Variants in PCDH15 observed in about 807,000 individuals in gnomAD.
The protein encoded by PCDH15 is protocadherin-15.
PCDH15 carries 129 observed loss-of-function variants against 178.5 expected under a neutral mutation model. The observed-to-expected ratio is 0.72, with a 90% CI of 0.63 to 0.84. PCDH15 has a LOEUF of 0.84. PCDH15 is among the 40% of genes least tolerant of loss of function. The probability of loss-of-function intolerance (pLI) is 0.00; values close to 1 mark genes in which losing one functional copy is unlikely to be tolerated. For missense variants in PCDH15, 2,230 were observed against 2,099.9 expected (o/e 1.06, Z -1.21); for synonymous variants, 800 against 732.0 (o/e 1.09, Z -1.50).
chr10:54,186,069 T>C (rs1050697716), intron 11 of PCDH15, among the ~76,000 whole-genome samples: 1 of 151,752 alleles, frequency 6.6e-6, no homozygotes, highest in African/African-American at 2.4e-5. Context: ...AGAACAGCAA[T>C]ATAAAGTAAG....
intron 3 of PCDH15, among the ~76,000 whole-genome samples, chr10:54,837,904 C>G (rs1194341850): frequency 6.6e-6 from 1 of 152,084 alleles, no homozygotes; most frequent in Non-Finnish European, 1.5e-5. Context: ...TTGTGGAGGG[C>G]CAATGAATGA....
At chr10:54,921,564 A>G (rs1190446619) in intron 2 of PCDH15, among the ~76,000 whole-genome samples, 3 of 152,146 alleles carry the variant, frequency 2.0e-5, no homozygotes, top group African/African-American at 7.2e-5. Flanking sequence ...GTTCCCACTT[A>G]TAAGTGAGAA....
intron 26 of PCDH15, among the ~76,000 whole-genome samples, chr10:53,870,543 T>C (rs2079765381): frequency 6.6e-6 from 1 of 152,162 alleles, no homozygotes; most frequent in Non-Finnish European, 1.5e-5. Context: ...GCCAGGATCA[T>C]TAGCATATTT....
rs1351065500 is a variant in PCDH15, at chr10:55,067,669, G to A, written c.-80+98907C>T. 5.6e-5 allele frequency among the ~76,000 whole-genome samples: 8 copies of A among 142,520 alleles called. No individual in the cohort carries two copies. The East Asian group carries it at 1.6e-3, about 29-fold the overall frequency. The allele number at this position is 142,520 out of a possible 152,430, so 93.5% of individuals were successfully genotyped here. On this transcript the variant is annotated intron_variant, in intron 2 of 5. Coordinates refer to the PCDH15 transcript ENST00000458638. ...TTTTTTTTTGAGAAACTTCCATGCT[G>A]CTTTCTATGGTGGTTGTACTAATTT...
chr10:55,342,905 T>G lies in PCDH15; in HGVS notation c.-155-176254A>C, dbSNP rs77017085. On this transcript the variant is annotated intron_variant, in intron 2 of 5. Transcript: ENST00000613346. ...GAAGGACCTGAGAGTGTAAGGGCTG[T>G]GAGCTGTTTCTAGGAAGCCTGAGTC... Among the ~76,000 whole-genome samples the G allele has an allele frequency of 3.9e-3, 588 of 152,248 alleles. 4 individuals carry two copies. The highest frequency in any genetic ancestry group is 0.014 in the African/African-American group (562 of 41,544).
chr10:55,055,054 A>C (rs1212550783), intron 2 of PCDH15, among the ~76,000 whole-genome samples: 1 of 152,124 alleles, frequency 6.6e-6, no homozygotes, highest in Non-Finnish European at 1.5e-5. Context: ...CTTTTTCTGC[A>C]ATTGCTTTGA....
intron 2 of PCDH15, among the ~76,000 whole-genome samples, chr10:55,590,369 G>C (rs1473398292): frequency 5.3e-5 from 8 of 150,762 alleles, no homozygotes; most frequent in African/African-American, 2.0e-4. Flanking sequence ...GCTAAATGGC[G>C]AGTTAATGGG....
At chr10:55,131,942 C>T (rs1180075973) in intron 2 of PCDH15, among the ~76,000 whole-genome samples, 2 of 152,126 alleles carry the variant, frequency 1.3e-5, no homozygotes, top group Non-Finnish European at 2.9e-5. Context: ...TAGGGACCTA[C>T]CCCTTTCCCC....
At chr10:54,711,424 T>G (rs1475027933) in intron 1 of PCDH15, among the ~76,000 whole-genome samples, 1 of 151,878 alleles carries the variant, frequency 6.6e-6, no homozygotes, top group African/African-American at 2.4e-5. Context: ...ACTTCTTGAT[T>G]TATAGGGAGT....
intron 15 of PCDH15, among the ~76,000 whole-genome samples, chr10:54,106,098 A>G (rs1826601296): frequency 1.3e-5 from 2 of 152,208 alleles, no homozygotes; most frequent in African/African-American, 4.8e-5. Flanking sequence ...AGACACAGAA[A>G]GCAGACTGGT....
At chr10:54,279,699 T>C (rs780117977) in intron 8 of PCDH15, among the ~76,000 whole-genome samples, 1 of 151,714 alleles carries the variant, frequency 6.6e-6, no homozygotes, top group Non-Finnish European at 1.5e-5. Context: ...AGCAGATTCT[T>C]TTAATTATCC....
chr10:55,076,270 G>A (rs1443327107), intron 2 of PCDH15, among the ~76,000 whole-genome samples: 1 of 152,038 alleles, frequency 6.6e-6, no homozygotes, highest in Admixed American at 6.6e-5. Context: ...TCCAATTTAA[G>A]TCCAATGTTT....
chr10:55,550,953 C>A (rs1327711481), intron 2 of PCDH15, among the ~76,000 whole-genome samples: 2 of 151,970 alleles, frequency 1.3e-5, no homozygotes, highest in Non-Finnish European at 2.9e-5. Context: ...GTAATGAATT[C>A]TATTCTGTTT....
At chr10:54,518,979 G>A (rs1383473276) in intron 3 of PCDH15, among the ~76,000 whole-genome samples, 1 of 152,154 alleles carries the variant, frequency 6.6e-6, no homozygotes, top group East Asian at 1.9e-4. Context: ...TATCTCAATA[G>A]ATGCAGAAAA....
chr10:54,300,262 C>A (rs2060069792), intron 8 of PCDH15, among the ~76,000 whole-genome samples: 1 of 152,194 alleles, frequency 6.6e-6, no homozygotes, highest in Admixed American at 6.5e-5. Context: ...CTTATACCAA[C>A]CTCTGGAGTT....
intron 2 of PCDH15, among the ~76,000 whole-genome samples, chr10:55,023,667 T>C (rs1288383191): frequency 2.6e-5 from 4 of 152,070 alleles, no homozygotes; most frequent in African/African-American, 9.7e-5. Flanking sequence ...TTTCCTGCCT[T>C]CTTAAAATCT....
chr10:54,713,188 T>C (rs1212195286), intron 1 of PCDH15, among the ~76,000 whole-genome samples: 1 of 151,548 alleles, frequency 6.6e-6, no homozygotes, highest in Non-Finnish European at 1.5e-5. Context: ...ATGTGGCTGT[T>C]TGTAACTGAA....
chr10:54,773,610 C>T (rs1433889085), intron 1 of PCDH15, among the ~76,000 whole-genome samples: 1 of 152,144 alleles, frequency 6.6e-6, no homozygotes, highest in Admixed American at 6.6e-5. Flanking sequence ...TTGGAGGTAA[C>T]AGAGATGATT....
intron 3 of PCDH15, among the ~76,000 whole-genome samples, chr10:54,422,520 G>C (rs758837017): frequency 2.0e-5 from 3 of 152,052 alleles, no homozygotes; most frequent in Non-Finnish European, 4.4e-5. Flanking sequence ...TCTCAACATC[G>C]GCACTACGAC....
Sources: gnomAD v4.1 joint callset for allele counts (sites outside exome capture counted in the v4.1 genomes callset) on GRCh38, gnomAD v4.1.1 for gene constraint, MANE v1.5 for transcripts, NCBI Gene and HGNC (gene_info 2026-07-23, HGNC 2026-07-21) for gene names.